The following PRELID2 variants were observed in gnomAD, a reference collection of about 807,000 sequenced individuals.
The protein encoded by PRELID2 is PRELI domain containing 2.
In PRELID2, 25 loss-of-function variants were observed where a neutral mutation model predicts 28.4. The observed-to-expected ratio is 0.88, with a 90% CI of 0.64 to 1.23. The LOEUF (loss-of-function observed/expected upper bound fraction) is 1.23, where lower values mean the gene tolerates loss of function less well. Among genes scored for constraint, PRELID2 ranks in the 50% most tolerant of loss-of-function variants. PRELID2 has a pLI of 0.00. For synonymous variants in PRELID2, 76 were observed against 71.6 expected (o/e 1.06, Z -0.31); for missense variants, 201 against 214.4 (o/e 0.94, Z 0.39).
chr5:145,731,655 C>G (rs1035899097), intron 1 of PRELID2, among the ~76,000 whole-genome samples: 1 of 152,186 alleles, frequency 6.6e-6, no homozygotes, highest in Non-Finnish European at 1.5e-5. Context: ...TGAAATTATG[C>G]TATGAGAAGT....
chr5:145,508,269 T>C (rs1342921880), intron 1 of PRELID2, among the ~76,000 whole-genome samples: 1 of 148,388 alleles, frequency 6.7e-6, no homozygotes, highest in African/African-American at 2.6e-5. Flanking sequence ...GATAGATAGA[T>C]AGATAGATAG....
chr5:145,645,335 C>T (rs1239140622), intron 1 of PRELID2, among the ~76,000 whole-genome samples: 1 of 120,956 alleles, frequency 8.3e-6, no homozygotes, highest in African/African-American at 3.7e-5. Context: ...ATTGCAACTC[C>T]TGCTTTTTTT....
intron 1 of PRELID2, among the ~76,000 whole-genome samples, chr5:145,479,800 T>C (rs1348388902): frequency 6.6e-6 from 1 of 152,204 alleles, no homozygotes; most frequent in Non-Finnish European, 1.5e-5. Flanking sequence ...CCTTAGCCAC[T>C]ACATGGCAAG....
the PRELID2 span, among the ~76,000 whole-genome samples, chr5:145,339,074 T>C: frequency 6.6e-6 from 1 of 152,190 alleles, no homozygotes; most frequent in African/African-American, 2.4e-5. Context: ...AAAATGTGGA[T>C]AGGGTAGAAG....
chr5:145,773,626 G>A (rs902846429), intron 5 of PRELID2, among the ~76,000 whole-genome samples: 3 of 152,208 alleles, frequency 2.0e-5, no homozygotes, highest in African/African-American at 7.2e-5. Flanking sequence ...TCACATTGAA[G>A]AGTAAGGAAC....
chr5:145,745,207 C>T (rs757458543), intron 1 of PRELID2, among the ~76,000 whole-genome samples: 2 of 152,014 alleles, frequency 1.3e-5, no homozygotes, highest in Non-Finnish European at 2.9e-5. Context: ...AAATATGGGA[C>T]TCCATAAAAA....
intron 5 of PRELID2, among the ~76,000 whole-genome samples, chr5:145,781,697 A>G (rs983610656): frequency 4.1e-5 from 6 of 146,098 alleles, no homozygotes; most frequent in Non-Finnish European, 6.0e-5. Flanking sequence ...CACTATATAT[A>G]CTATATATAT....
intron 4 of PRELID2, among the ~76,000 whole-genome samples, chr5:145,797,983 C>T (rs77806877): frequency 0.04 from 6,082 of 151,398 alleles, 383 homozygotes; most frequent in African/African-American, 0.14. Flanking sequence ...AAAAATAAAG[C>T]GCAAGAATAA....
the PRELID2 span, among the ~76,000 whole-genome samples, chr5:145,261,125 G>C: frequency 6.6e-6 from 1 of 152,082 alleles, no homozygotes; most frequent in East Asian, 1.9e-4. Flanking sequence ...TCATTGGCCT[G>C]AGAACCACAC....
chr5:145,668,269 C>A (rs1478007528), intron 1 of PRELID2, among the ~76,000 whole-genome samples: 1 of 151,882 alleles, frequency 6.6e-6, no homozygotes, highest in Non-Finnish European at 1.5e-5. Context: ...TCTCCAGTAA[C>A]CACCCAGCTG....
chr5:145,681,369 T>C (rs1309977245), intron 1 of PRELID2, among the ~76,000 whole-genome samples: 1 of 152,168 alleles, frequency 6.6e-6, no homozygotes, highest in South Asian at 2.1e-4. Context: ...TTGTCTTCTC[T>C]CTCTTGTACA....
the PRELID2 span, among the ~76,000 whole-genome samples, chr5:145,325,253 A>G: frequency 6.6e-6 from 1 of 152,240 alleles, no homozygotes; most frequent in Non-Finnish European, 1.5e-5. Context: ...AGCCCAAAGT[A>G]TATTATTTCT....
At chr5:145,316,776 A>C in the PRELID2 span, among the ~76,000 whole-genome samples, 1 of 152,102 alleles carries the variant, frequency 6.6e-6, no homozygotes, top group Non-Finnish European at 1.5e-5. Context: ...CCATTTTTTC[A>C]GTTTCTAAAG....
chr5:145,675,487 C>T (rs969860268), intron 1 of PRELID2, among the ~76,000 whole-genome samples: 1 of 152,174 alleles, frequency 6.6e-6, no homozygotes, highest in African/African-American at 2.4e-5. Flanking sequence ...AACTAATAAG[C>T]ATTTACCCTT....
intron 1 of PRELID2, among the ~76,000 whole-genome samples, chr5:145,558,592 T>C (rs1290358127): frequency 6.6e-6 from 1 of 152,182 alleles, no homozygotes; most frequent in Admixed American, 6.5e-5. Context: ...TGTCTGAGAG[T>C]CAAAAGCTTT....
chr5:145,249,293 T>G, the PRELID2 span, among the ~76,000 whole-genome samples: 1 of 152,180 alleles, frequency 6.6e-6, no homozygotes, highest in African/African-American at 2.4e-5. Flanking sequence ...TTTCTATGCT[T>G]CTGCAAATTT....
intron 1 of PRELID2, among the ~76,000 whole-genome samples, chr5:145,500,745 A>G (rs568188782): frequency 6.6e-6 from 1 of 152,248 alleles, no homozygotes; most frequent in African/African-American, 2.4e-5. Context: ...AGAAGCATGG[A>G]TTGTGTTAAG....
chr5:145,617,203 A>G (rs1835975), intron 1 of PRELID2, among the ~76,000 whole-genome samples: 29,504 of 152,094 alleles, frequency 0.19, 5,086 homozygotes, highest in African/African-American at 0.45. Context: ...TGCAGTTAAC[A>G]CAATCATCAC....
intron 1 of PRELID2, among the ~76,000 whole-genome samples, chr5:145,626,334 G>T (rs1450692877): frequency 1.3e-5 from 2 of 151,980 alleles, no homozygotes; most frequent in Non-Finnish European, 2.9e-5. Flanking sequence ...AACTCAATAA[G>T]AAAAACATAA....
Sources: allele counts gnomAD v4.1 joint callset (sites outside exome capture counted in the v4.1 genomes callset), GRCh38; gene constraint gnomAD v4.1.1; transcripts MANE v1.5; gene names NCBI Gene and HGNC (gene_info 2026-07-23, HGNC 2026-07-21).